Variants in CSTPP1 observed in about 807,000 individuals in gnomAD.
CSTPP1 encodes UPF0705 protein C11orf49.
At chr11:47,028,169 C>T in the CSTPP1 span, among the ~76,000 whole-genome samples, 9 of 152,106 alleles carry the variant, frequency 5.9e-5, no homozygotes, top group South Asian at 2.1e-4. Flanking sequence ...GTGATCCGCC[C>T]GCCTCGGCCT....
the CSTPP1 span, among the ~76,000 whole-genome samples, chr11:47,002,526 A>C: frequency 6.6e-6 from 1 of 152,178 alleles, no homozygotes; most frequent in Non-Finnish European, 1.5e-5. Flanking sequence ...AAGCTATTTC[A>C]CAGCCCACTG....
At chr11:47,097,042 G>A in the CSTPP1 span, among the ~76,000 whole-genome samples, 1 of 151,814 alleles carries the variant, frequency 6.6e-6, no homozygotes, top group Non-Finnish European at 1.5e-5. Context: ...CCCCGTCCGG[G>A]AGGGAGATGG....
the CSTPP1 span, among the ~76,000 whole-genome samples, chr11:47,139,958 T>C: frequency 6.6e-6 from 1 of 152,168 alleles, no homozygotes; most frequent in South Asian, 2.1e-4. Flanking sequence ...CTGCATTGGC[T>C]GCACTGCACC....
At chr11:47,085,930 G>A in the CSTPP1 span, among the ~76,000 whole-genome samples, 1 of 150,124 alleles carries the variant, frequency 6.7e-6, no homozygotes, top group East Asian at 1.9e-4. Flanking sequence ...AAGCATTGCT[G>A]GCAGTCTCTG....
At chr11:47,096,389 CT>C in the CSTPP1 span, among the ~76,000 whole-genome samples, 1 of 152,154 alleles carries the variant, frequency 6.6e-6, no homozygotes, top group East Asian at 1.9e-4. Flanking sequence ...CTCTATAACA[CT>C]TTCTGTCCCT....
the CSTPP1 span, among the ~76,000 whole-genome samples, chr11:47,068,016 T>C: frequency 6.6e-6 from 1 of 152,124 alleles, no homozygotes; most frequent in South Asian, 2.1e-4. Flanking sequence ...TAATGGTAAT[T>C]ACTTTTTTTT....
At chr11:46,969,629 A>G in the CSTPP1 span, among the ~76,000 whole-genome samples, 56 of 152,384 alleles carry the variant, frequency 3.7e-4, no homozygotes, top group Non-Finnish European at 7.1e-4. Flanking sequence ...AAATGCCGTC[A>G]ACAGTGGAAC....
the CSTPP1 span, among the ~76,000 whole-genome samples, chr11:47,093,029 T>A: frequency 6.6e-6 from 1 of 152,218 alleles, no homozygotes; most frequent in Non-Finnish European, 1.5e-5. Context: ...ACAATGAGTG[T>A]CATGAAAGGT....
the CSTPP1 span, among the ~76,000 whole-genome samples, chr11:47,037,342 C>T: frequency 7.9e-6 from 1 of 125,892 alleles, no homozygotes; most frequent in African/African-American, 2.5e-5. Flanking sequence ...CACCATTTGG[C>T]AAAACCTTCA....
chr11:46,996,553 C>T, the CSTPP1 span, among the ~76,000 whole-genome samples: 2 of 152,084 alleles, frequency 1.3e-5, no homozygotes, highest in Admixed American at 6.6e-5. Flanking sequence ...CCGCCCGTCT[C>T]GGTCTCCCAA....
chr11:47,125,322 G>T, the CSTPP1 span, among the ~76,000 whole-genome samples: 82 of 152,054 alleles, frequency 5.4e-4, no homozygotes, highest in Non-Finnish European at 9.7e-4. Context: ...GGATTCTGAC[G>T]AGAAAACAGG....
At chr11:47,105,929 G>A in the CSTPP1 span, among the ~76,000 whole-genome samples, 1 of 152,188 alleles carries the variant, frequency 6.6e-6, no homozygotes, top group African/African-American at 2.4e-5. Context: ...AAGTCAAAGT[G>A]CCTCTTTGAA....
chr11:47,060,768 G>C, the CSTPP1 span, among the ~76,000 whole-genome samples: 2 of 152,068 alleles, frequency 1.3e-5, no homozygotes, highest in Non-Finnish European at 2.9e-5. Flanking sequence ...ATGTAAACCA[G>C]ATACCACTGG....
At chr11:47,162,011 G>C in the CSTPP1 span, 9 of 1,014,890 alleles carry the variant, frequency 8.9e-6, no homozygotes, top group Non-Finnish European at 1.1e-5. Flanking sequence ...CTCCATTAAG[G>C]GGGAGAACCC....
chr11:46,974,722 G>A, the CSTPP1 span, among the ~76,000 whole-genome samples: 1 of 151,436 alleles, frequency 6.6e-6, no homozygotes, highest in East Asian at 2.0e-4. Flanking sequence ...GGGTGTGGTG[G>A]TGTGCACCTG....
At chr11:46,953,445 G>A in the CSTPP1 span, among the ~76,000 whole-genome samples, 2 of 152,074 alleles carry the variant, frequency 1.3e-5, no homozygotes, top group Non-Finnish European at 2.9e-5. Flanking sequence ...ATACTTGATG[G>A]AACATTTTTA....
At chr11:47,154,594 G>A in the CSTPP1 span, 1 of 153,292 alleles carries the variant, frequency 6.5e-6, no homozygotes, top group Non-Finnish European at 1.5e-5. Context: ...CCTCACAAGT[G>A]CAGATTCCCC....
chr11:47,052,532 A>C, the CSTPP1 span: 6 of 1,608,474 alleles, frequency 3.7e-6, no homozygotes, highest in African/African-American at 1.4e-5. Context: ...AGTCTTCCCA[A>C]ATTCTTTTTC....
At chr11:46,976,501 A>G in the CSTPP1 span, among the ~76,000 whole-genome samples, 1 of 152,014 alleles carries the variant, frequency 6.6e-6, no homozygotes. Flanking sequence ...TTGGCTTGCT[A>G]TTATTAGCTG....
Sources: allele counts gnomAD v4.1 joint callset (sites outside exome capture counted in the v4.1 genomes callset), GRCh38; gene constraint gnomAD v4.1.1; transcripts MANE v1.5; gene names NCBI Gene and HGNC (gene_info 2026-07-23, HGNC 2026-07-21).